USP32: variants seen among roughly 807,000 people sequenced by gnomAD.
USP32 encodes ubiquitin carboxyl-terminal hydrolase 32.
USP32 carries 59 observed loss-of-function variants against 204.8 expected under a neutral mutation model. The observed-to-expected ratio is 0.29, with a 90% confidence interval of 0.23 to 0.36. USP32 has a LOEUF of 0.36. USP32 is among the 10% of genes least tolerant of loss of function. USP32 has a pLI of 1.00. For synonymous variants in USP32, 517 were observed against 678.4 expected, an observed-to-expected ratio of 0.76 and a Z score of 3.70; for missense variants, 1,160 against 1,946.4, an observed-to-expected ratio of 0.60 and a Z score of 7.60.
At chr17:60,327,627 G>A (rs779916000) in intron 2 of USP32, among the ~76,000 whole-genome samples, 7 of 152,212 alleles carry the variant, frequency 4.6e-5, no homozygotes, top group Non-Finnish European at 7.4e-5. Context: ...AAGGAGATGC[G>A]GCCAGGGCTG....
At chr17:60,401,154 C>A (rs1189033663) in intron 1 of USP32, among the ~76,000 whole-genome samples, 1 of 149,160 alleles carries the variant, frequency 6.7e-6, no homozygotes, top group South Asian at 2.1e-4. Context: ...AGAGCCAGAC[C>A]CTGTCTAAAA....
At chr17:60,312,174 C>T (rs1224502067) in intron 2 of USP32, among the ~76,000 whole-genome samples, 1 of 152,166 alleles carries the variant, frequency 6.6e-6, no homozygotes, top group African/African-American at 2.4e-5. Context: ...TGGAAAGCAG[C>T]CCCTGGGTGG....
chr17:60,210,639 T>C (rs2084937244), intron 21 of USP32, among the ~76,000 whole-genome samples: 1 of 152,202 alleles, frequency 6.6e-6, no homozygotes, highest in Non-Finnish European at 1.5e-5. Context: ...AGAACTATCT[T>C]AGTTACGTTG....
chr17:60,316,131 C>A (rs2087970768), intron 2 of USP32: 1 of 255,538 alleles, frequency 3.9e-6, no homozygotes, highest in South Asian at 4.1e-5. Context: ...TTGAAGACAT[C>A]AACCACTCTG....
chr17:60,294,798 A>T lies in USP32; in HGVS notation c.296T>A (p.Ile99Asn), dbSNP rs1598208204. The change falls in exon 4 of 34, where the codon ATT becomes AAT. Residue 99 changes from isoleucine (I) to asparagine (N), a missense_variant. This residue lies in a region of USP32 where 536 missense variants were observed against 680.9 expected (regional missense o/e 0.79). Transcript: ENST00000300896. The stretch of plus-strand genomic sequence containing the variant: ...AGATTCACTTGAAAAAAGACTAAAA[A>T]TGTCTAAGAAAAAGAAAGATAGAAT... ...RGKDEEKAKY[I>N]FSLFSSESGN... is the part of the protein sequence containing the mutation. 3 of 1,586,876 alleles carry T rather than the reference A, an allele frequency of 1.9e-6. No individual in the cohort carries two copies. In the East Asian group the frequency reaches 6.7e-5, roughly 36 times the overall value.
intron 3 of USP32, among the ~76,000 whole-genome samples, chr17:60,298,148 C>T (rs935979539): frequency 6.6e-6 from 1 of 151,480 alleles, no homozygotes; most frequent in Non-Finnish European, 1.5e-5. Flanking sequence ...AGTTTCCACC[C>T]CAAAGTAAAC....
upstream of USP32, chr17:60,392,203 T>TCCTTCCCTCC: frequency 2.6e-6 from 1 of 384,530 alleles, no homozygotes; most frequent in East Asian, 5.8e-5. Flanking sequence ...CTCCTCCCTC[T>TCCTTCCCTCC]CCTTCCCTCC....
intron 1 of USP32, among the ~76,000 whole-genome samples, chr17:60,385,159 T>C (rs970769266): frequency 6.6e-6 from 1 of 152,204 alleles, no homozygotes; most frequent in Non-Finnish European, 1.5e-5. Context: ...CTTTGTGAAA[T>C]TCCTTCTCCT....
chr17:60,333,558 C>T (rs977812333), intron 2 of USP32, among the ~76,000 whole-genome samples: 9 of 151,844 alleles, frequency 5.9e-5, no homozygotes, highest in African/African-American at 2.2e-4. Flanking sequence ...CAAGATTGTG[C>T]CACTGCACTC....
intron 26 of USP32, among the ~76,000 whole-genome samples, chr17:60,198,801 GCT>G (rs2084594438): frequency 6.6e-6 from 1 of 152,128 alleles, no homozygotes; most frequent in South Asian, 2.1e-4. Flanking sequence ...AACAATTAAG[GCT>G]CTTTCTTTCT....
intron 2 of USP32, among the ~76,000 whole-genome samples, chr17:60,344,730 T>C (rs8081293): frequency 0.22 from 33,747 of 152,272 alleles, 9,377 homozygotes; most frequent in African/African-American, 0.65. Context: ...GCTGAGATTA[T>C]AGGCATAAGC....
intron 15 of USP32, among the ~76,000 whole-genome samples, chr17:60,220,060 AC>A (rs2085205113): frequency 6.6e-6 from 1 of 151,460 alleles, no homozygotes; most frequent in Non-Finnish European, 1.5e-5. Context: ...AAAAAAAAAA[AC>A]CCTAAGTATT....
rs1284073092 is a variant in USP32, at chr17:60,266,096, T to C, written c.812-5A>G. 6.2e-7 allele frequency: 1 copy of C among 1,607,372 alleles called. No individual in the cohort carries two copies. Among genetic ancestry groups the C allele is most frequent in the South Asian group, 1.1e-5 (1 of 90,860 alleles). On this transcript the variant is annotated splice_polypyrimidine_tract_variant and splice_region_variant and intron_variant, in intron 7 of 33. Coordinates refer to ENST00000300896, the MANE Select transcript of USP32 (RefSeq NM_032582.4). Reference sequence around the variant, plus strand: ...CATCAAATACCTTGAAGCAAACTAATGAAAAGAAACTCTTATGGAGGAAAA... The same window carrying C: ...CATCAAATACCTTGAAGCAAACTAACGAAAAGAAACTCTTATGGAGGAAAA...
intron 1 of USP32, among the ~76,000 whole-genome samples, chr17:60,415,105 A>G (rs2090050115): frequency 6.6e-6 from 1 of 152,224 alleles, no homozygotes; most frequent in Admixed American, 6.5e-5. Flanking sequence ...GGTGGTATCC[A>G]GCAGGTCCCT....
intron 11 of USP32, among the ~76,000 whole-genome samples, chr17:60,240,607 C>T (rs2085851950): frequency 6.6e-6 from 1 of 152,118 alleles, no homozygotes. Context: ...TATGCCTTAG[C>T]CTTCACTACC....
chr17:60,270,342 T>C (rs2086693921), intron 6 of USP32, among the ~76,000 whole-genome samples: 1 of 152,168 alleles, frequency 6.6e-6, no homozygotes, highest in Non-Finnish European at 1.5e-5. Flanking sequence ...ATACAGATAG[T>C]ATATTCCCAG....
chr17:60,222,603 G>T lies in USP32; in HGVS notation c.1609-54C>A, dbSNP rs1046787022. The T allele has an allele frequency of 4.6e-5, 73 of 1,579,680 alleles. 1 individual carries two copies. The Admixed American group carries it at 7.8e-4, about 17-fold the overall frequency. On this transcript the variant is annotated intron_variant, in intron 14 of 33. Coordinates refer to ENST00000300896, the MANE Select transcript of USP32 (RefSeq NM_032582.4). ...CTTTCAATATTACAAAAGTTTTTGG[G>T]TCTCAGCAATACCTAGAAACAGGAA...
intron 2 of USP32, among the ~76,000 whole-genome samples, chr17:60,342,398 GA>G: frequency 6.6e-6 from 1 of 152,336 alleles, no homozygotes. Flanking sequence ...CCCACTTGAG[GA>G]GACAGTCTGT....
chr17:60,377,905 T>C (rs2089578408), intron 1 of USP32, among the ~76,000 whole-genome samples: 1 of 152,204 alleles, frequency 6.6e-6, no homozygotes, highest in South Asian at 2.1e-4. Flanking sequence ...AGTTCAAAAC[T>C]ACATACATTA....
Sources: allele counts gnomAD v4.1 joint callset (sites outside exome capture counted in the v4.1 genomes callset), GRCh38; gene constraint gnomAD v4.1.1; regional missense constraint gnomAD v4.1.1; transcripts MANE v1.5; gene names NCBI Gene and HGNC (gene_info 2026-07-23, HGNC 2026-07-21).